Variants in ZNF678 observed in about 807,000 individuals in gnomAD.
The protein encoded by ZNF678 is zinc finger protein 678, also known as hypothetical protein MGC42493.
Under a neutral mutation model 3.0 loss-of-function variants are expected in ZNF678, and 5 were observed. The observed-to-expected ratio is 1.69, with a 90% CI of 0.88 to 3.56. The LOEUF is 3.56. ZNF678 is among the 30% of genes most tolerant of loss of function. The pLI, the probability that ZNF678 is intolerant of heterozygous loss-of-function variation, is 0.00. For synonymous variants in ZNF678, 218 were observed against 199.6 expected, an observed-to-expected ratio of 1.09 and a Z score of -0.78; for missense variants, 593 against 605.0, an observed-to-expected ratio of 0.98 and a Z score of 0.21.
rs1658724085 is a variant in ZNF678, at chr1:227,638,042, G to A, written c.-163-8502G>A. Among the ~76,000 whole-genome samples, 2 of 151,920 alleles carry A rather than the reference G, an allele frequency of 1.3e-5. No homozygotes were observed. Among genetic ancestry groups the A allele is most frequent in the East Asian group, 3.9e-4 (2 of 5,168 alleles). On this transcript the variant is annotated intron_variant, in intron 1 of 3. Transcript: ENST00000343776. The surrounding 1 kb of genome is among the most constrained non-coding windows in gnomAD (Gnocchi z 4.2). ...GATTGTTAACATATTGAAGGAGAGTGGACGGTTTTAGGGATAAGGTAGAGA... is the reference window on the plus strand; with the variant it reads ...GATTGTTAACATATTGAAGGAGAGTAGACGGTTTTAGGGATAAGGTAGAGA...
intron 1 of ZNF678, among the ~76,000 whole-genome samples, chr1:227,602,613 A>G (rs1432950019): frequency 6.6e-6 from 1 of 152,230 alleles, no homozygotes; most frequent in Non-Finnish European, 1.5e-5. Context: ...CACTGCAGAA[A>G]TAGTATCTGA....
intron 1 of ZNF678, among the ~76,000 whole-genome samples, chr1:227,579,248 T>C (rs1657061755): frequency 6.6e-6 from 1 of 152,076 alleles, no homozygotes; most frequent in South Asian, 2.1e-4. Context: ...TGGGAGTCCC[T>C]GTTGCAGAGT....
chr1:227,599,094 C>T, intron 1 of ZNF678: 3 of 1,595,352 alleles, frequency 1.9e-6, no homozygotes, highest in Non-Finnish European at 2.6e-6. Context: ...TGGATTGGAC[C>T]CCTTGATCTC....
intron 1 of ZNF678, among the ~76,000 whole-genome samples, chr1:227,603,359 G>C (rs1183647980): frequency 6.6e-6 from 1 of 152,148 alleles, no homozygotes; most frequent in Non-Finnish European, 1.5e-5. Context: ...TATTTGTATG[G>C]GGTACTCAGA....
At position 227,657,764 on chromosome 1, in the gene ZNF678, CAAA is replaced by C. The variant is rs1013599078; in HGVS notation, c.*1939_*1941del. The C allele has an allele frequency of 6.6e-6, 1 of 151,810 alleles. No homozygotes were observed. Among genetic ancestry groups the C allele is most frequent in the African/African-American group, 2.4e-5 (1 of 41,382 alleles). 9.4% of individuals were successfully genotyped at this position (151,810 alleles called of 1,614,324 possible). On this transcript the variant is annotated 3_prime_UTR_variant, in exon 4 of 4. Transcript: ENST00000343776. The stretch of plus-strand genomic sequence containing the variant: ...GGTGTGTACTTTTTTGAGAAGAAAA[CAAA>C]AATATTGGAACAAAATATAATTTAA...
chr1:227,612,006 C>T (rs2102761002), intron 1 of ZNF678, among the ~76,000 whole-genome samples: 1 of 152,274 alleles, frequency 6.6e-6, no homozygotes, highest in South Asian at 2.1e-4. Context: ...GTCCCTCCAG[C>T]ATGCCAGAAG....
intron 1 of ZNF678, among the ~76,000 whole-genome samples, chr1:227,605,385 T>C (rs1657837917): frequency 6.6e-6 from 1 of 152,182 alleles, no homozygotes; most frequent in Non-Finnish European, 1.5e-5. Flanking sequence ...TCTCAGAAAT[T>C]AAAAGAATTT....
chr1:227,568,311 T>C (rs1259270195), intron 1 of ZNF678, among the ~76,000 whole-genome samples: 3 of 69,864 alleles, frequency 4.3e-5, no homozygotes, highest in Non-Finnish European at 1.1e-4. Flanking sequence ...GGTGAACAAG[T>C]ACTTTTTTTT....
In ZNF678 at chr1:227,597,302, G is replaced by A. The variant is rs539233156; in HGVS notation, c.-164+33578G>A. Among the ~76,000 whole-genome samples the A allele has an allele frequency of 2.0e-5, 3 of 152,346 alleles. No homozygotes were observed. The South Asian group carries it at 6.2e-4, about 32-fold the overall frequency. ...TGGTTTTCTGCCCTGGGTGGGCCAG[G>A]TGTTCCTTGCCCTCATTCCGGTAAA... is the stretch of plus-strand genomic sequence containing the variant. On this transcript the variant is annotated intron_variant, in intron 1 of 3. Transcript: ENST00000343776.
chr1:227,595,155 G>GTTTT (rs34323136), intron 1 of ZNF678, among the ~76,000 whole-genome samples: 1 of 148,176 alleles, frequency 6.7e-6, no homozygotes. Context: ...AAGGTACGCT[G>GTTTT]TTTTTTTTTT....
At chr1:227,608,431 CAT>C (rs1210874663) in intron 1 of ZNF678, among the ~76,000 whole-genome samples, 1 of 152,024 alleles carries the variant, frequency 6.6e-6, no homozygotes, top group Admixed American at 6.5e-5. Flanking sequence ...TTATTCAACA[CAT>C]AAAATTATTT....
At chr1:227,678,099 C>T (rs371492463), downstream of ZNF678, among the ~76,000 whole-genome samples, 1 of 152,148 alleles carries the variant, frequency 6.6e-6, no homozygotes, top group African/African-American at 2.4e-5. Flanking sequence ...ACACTTTAGT[C>T]CACCAAATAA....
At chr1:227,626,475 C>T (rs932301252) in intron 1 of ZNF678, among the ~76,000 whole-genome samples, 1 of 152,144 alleles carries the variant, frequency 6.6e-6, no homozygotes, top group African/African-American at 2.4e-5. Context: ...ATTCCTTTCC[C>T]TCCTCTCAGG....
intron 1 of ZNF678, among the ~76,000 whole-genome samples, chr1:227,618,276 C>G (rs942744787): frequency 1.3e-5 from 2 of 152,198 alleles, no homozygotes; most frequent in African/African-American, 4.8e-5. Context: ...GTGGTCCCAT[C>G]TGGGCAATCC....
At chr1:227,576,341 T>TAC (rs1490942193) in intron 1 of ZNF678, among the ~76,000 whole-genome samples, 2 of 152,238 alleles carry the variant, frequency 1.3e-5, no homozygotes, top group African/African-American at 4.8e-5. Flanking sequence ...CTGTTCTTTG[T>TAC]ACATCTGGTA....
chr1:227,671,882 T>G (rs1379360289), intron 5 of ZNF678, among the ~76,000 whole-genome samples: 1 of 152,210 alleles, frequency 6.6e-6, no homozygotes, highest in Non-Finnish European at 1.5e-5. Flanking sequence ...GCATATCCTT[T>G]TTTTAAAATG....
At chr1:227,678,876 G>A (rs1278722694), downstream of ZNF678, among the ~76,000 whole-genome samples, 2 of 152,116 alleles carry the variant, frequency 1.3e-5, no homozygotes, top group African/African-American at 2.4e-5. Context: ...TGTGAAAATG[G>A]AAAATGGAAA....
chr1:227,565,555 G>T (rs551572094), intron 1 of ZNF678, among the ~76,000 whole-genome samples: 1 of 152,030 alleles, frequency 6.6e-6, no homozygotes, highest in East Asian at 1.9e-4. Flanking sequence ...GTAGAGATTG[G>T]GTTTCGCTAG....
chr1:227,615,914 C>T (rs1036416166), intron 1 of ZNF678, among the ~76,000 whole-genome samples: 4 of 152,186 alleles, frequency 2.6e-5, no homozygotes, highest in South Asian at 2.1e-4. Context: ...AGCTGACCCT[C>T]GGTCTTGTGA....
Sources: gnomAD v4.1 joint callset for allele counts (sites outside exome capture counted in the v4.1 genomes callset) on GRCh38, gnomAD v4.1.1 for gene constraint, Gnocchi (gnomAD v3.1) non-coding constraint, MANE v1.5 for transcripts, NCBI Gene and HGNC (gene_info 2026-07-23, HGNC 2026-07-21) for gene names.